The following BACH1 variants were observed in gnomAD, a reference collection of about 807,000 sequenced individuals.
BACH1 encodes the protein transcription regulator protein BACH1.
Under a neutral mutation model 52.9 loss-of-function variants are expected in BACH1, and 35 were observed. That is an observed-to-expected ratio of 0.66 (90% CI 0.51 to 0.88). The LOEUF (loss-of-function observed/expected upper bound fraction) is 0.88, where lower values mean the gene tolerates loss of function less well. Ranked by LOEUF, BACH1 falls within the 40% of genes least tolerant of loss-of-function variation. The pLI, the probability that BACH1 is intolerant of heterozygous loss-of-function variation, is 0.00. For synonymous variants in BACH1, 321 were observed against 319.6 expected (o/e 1.00, Z -0.05); for missense variants, 808 against 872.6 (o/e 0.93, Z 0.93).
chr21:29,350,603 C>T (rs956570558), downstream of BACH1, among the ~76,000 whole-genome samples: 4 of 152,130 alleles, frequency 2.6e-5, no homozygotes, highest in African/African-American at 4.8e-5. Flanking sequence ...GGTGTGGAGG[C>T]GTAGAGTGCT....
At chr21:29,359,140 A>G (rs1471905476) in intron 2 of BACH1, 2 of 152,062 alleles carry the variant, frequency 1.3e-5, no homozygotes, top group Non-Finnish European at 2.9e-5. Flanking sequence ...TATCATAGTA[A>G]ATAATTTTGA....
chr21:29,338,565 G>A (rs904550160), intron 4 of BACH1, among the ~76,000 whole-genome samples: 4 of 151,746 alleles, frequency 2.6e-5, no homozygotes, highest in African/African-American at 7.3e-5. Context: ...GTGAGGTTTC[G>A]CTGTGTTGCC....
chr21:29,351,554 T>G, intron 2 of BACH1: 1 of 517,434 alleles, frequency 1.9e-6, no homozygotes, highest in South Asian at 1.4e-5. Flanking sequence ...TGTTTTCATC[T>G]CATTTGAGCG....
In BACH1 at chr21:29,344,198, AAAC is replaced by A; in HGVS notation, c.*1367_*1369del. On this transcript the variant is annotated 3_prime_UTR_variant, in exon 5 of 5. Coordinates refer to ENST00000286800, the MANE Select transcript of BACH1 (RefSeq NM_001186.4). ...AAAATGCATATATTCACATTCACAG[AAAC>A]ATTGGCAGAACCCAGTTTTAATGGT... 6.6e-6 allele frequency: 1 copy of A among 152,518 alleles called. No individual in the cohort carries two copies. The highest frequency in any genetic ancestry group is 2.1e-4 in the South Asian group (1 of 4,832). 9.4% of individuals were successfully genotyped at this position (152,518 alleles called of 1,614,324 possible).
At chr21:29,358,812 A>AAGAAAGAAAGAAAGAGAG (rs370582692) in intron 2 of BACH1, among the ~76,000 whole-genome samples, 2 of 146,570 alleles carry the variant, frequency 1.4e-5, no homozygotes, top group South Asian at 4.4e-4. Context: ...GAAAGAAAGA[A>AAGAAAGAAAGAAAGAGAG]AGAAGAAAGA....
At chr21:29,316,658 CT>C (rs1319243469) in intron 1 of BACH1, among the ~76,000 whole-genome samples, 1 of 152,200 alleles carries the variant, frequency 6.6e-6, no homozygotes, top group African/African-American at 2.4e-5. Context: ...TTGCTGACCA[CT>C]TAGATGGTTT....
rs1287738331 is a variant in BACH1 at position 29,345,994 on chromosome 21, A to T, written c.*3161A>T. 1 of 152,626 alleles carries T rather than the reference A, an allele frequency of 6.6e-6. No homozygotes were observed. Among genetic ancestry groups the T allele is most frequent in the Non-Finnish European group, 1.5e-5 (1 of 68,018 alleles). The allele number at this position is 152,626 out of a possible 1,614,324, so 9.5% of individuals were successfully genotyped here. ...CACTAAACTTTTGTGTCCATATTTT[A>T]CTGAGACCATGTTTCATTAAAAGCA... On this transcript the variant is annotated 3_prime_UTR_variant, in exon 5 of 5. Transcript: ENST00000286800.
intron 2 of BACH1, chr21:29,361,450 G>A (rs1273030758): frequency 6.6e-6 from 1 of 150,950 alleles, no homozygotes; most frequent in East Asian, 1.9e-4. Context: ...ATTTTTTTTT[G>A]TCTAGCTTTA....
intron 2 of BACH1, among the ~76,000 whole-genome samples, chr21:29,351,428 T>G (rs567831741): frequency 6.6e-6 from 1 of 152,240 alleles, no homozygotes; most frequent in Non-Finnish European, 1.5e-5. Context: ...GAAATAAGCA[T>G]GCTTATGTTT....
At chr21:29,346,856 G>C (rs750316732), downstream of BACH1, among the ~76,000 whole-genome samples, 4 of 68,800 alleles carry the variant, frequency 5.8e-5, no homozygotes, top group Non-Finnish European at 9.5e-5. Context: ...AGTCTGAATC[G>C]GGAGAAGATG....
chr21:29,329,467 ATAT>A lies in BACH1; in HGVS notation c.1570-18_1570-16del. 6.8e-7 allele frequency: 1 copy of A among 1,475,706 alleles called. No individual in the cohort carries two copies. Among genetic ancestry groups the A allele is most frequent in the Non-Finnish European group, 9.1e-7 (1 of 1,101,392 alleles). The allele number at this position is 1,475,706 out of a possible 1,614,324, so 91.4% of individuals were successfully genotyped here. A position where few individuals can be genotyped will look rare whatever the true frequency, so the allele number is the denominator to read the frequency against. ...TTATAAAATACAGCAATAATTAGTAATATTTATTTCATATTCTAGGTAAAACTG... is the reference window on the plus strand; with the variant it reads ...TTATAAAATACAGCAATAATTAGTAATTATTTCATATTCTAGGTAAAACTG... On this transcript the variant is annotated splice_polypyrimidine_tract_variant and intron_variant, in intron 3 of 4. Coordinates refer to ENST00000286800, the MANE Select transcript of BACH1 (RefSeq NM_001186.4).
At chr21:29,355,986 G>T (rs1251130139) in intron 2 of BACH1, among the ~76,000 whole-genome samples, 2 of 152,248 alleles carry the variant, frequency 1.3e-5, no homozygotes, top group Non-Finnish European at 2.9e-5. Flanking sequence ...CTAGGCCTCA[G>T]CAGTTTTGGA....
intron 4 of BACH1, among the ~76,000 whole-genome samples, chr21:29,330,074 A>G (rs2088962776): frequency 6.6e-6 from 1 of 152,190 alleles, no homozygotes; most frequent in Non-Finnish European, 1.5e-5. Context: ...TCTTTCATCT[A>G]AGGAAAAAAA....
chr21:29,323,466 A>G (rs2088872733), intron 2 of BACH1, among the ~76,000 whole-genome samples: 1 of 152,218 alleles, frequency 6.6e-6, no homozygotes, highest in Admixed American at 6.5e-5. Flanking sequence ...TGTCAAGGGC[A>G]GGAGGCATCC....
chr21:29,349,688 C>G (rs1479520605), downstream of BACH1, among the ~76,000 whole-genome samples: 6 of 152,164 alleles, frequency 3.9e-5, no homozygotes, highest in Non-Finnish European at 1.5e-5. Flanking sequence ...TCCCCATTGA[C>G]TTTCCTTGCC....
At chr21:29,330,581 G>A (rs999919290) in intron 4 of BACH1, among the ~76,000 whole-genome samples, 1 of 152,070 alleles carries the variant, frequency 6.6e-6, no homozygotes, top group Non-Finnish European at 1.5e-5. Flanking sequence ...GTATGAAAGA[G>A]GACAACTCTG....
rs898816098 is a variant in BACH1 at position 29,345,792 on chromosome 21, G to A, written c.*2959G>A. The stretch of plus-strand genomic sequence containing the variant: ...GTTATAAAACATCTATTTTGAATCT[G>A]TAAATATTTTAAATGTTTTATTAAG... On this transcript the variant is annotated 3_prime_UTR_variant, in exon 5 of 5. Coordinates refer to ENST00000286800, the MANE Select transcript of BACH1 (RefSeq NM_001186.4). The A allele has an allele frequency of 1.3e-5, 2 of 152,440 alleles. No individual in the cohort carries two copies. The highest frequency in any genetic ancestry group is 4.8e-5 in the African/African-American group (2 of 41,384). 9.4% of individuals were successfully genotyped at this position (152,440 alleles called of 1,614,324 possible).
In BACH1 at chr21:29,327,029, G is replaced by A. The variant is rs762232200; in HGVS notation, c.1205G>A (p.Trp402Ter). The A allele has an allele frequency of 4.3e-6, 7 of 1,614,190 alleles. No homozygotes were observed. Among genetic ancestry groups the A allele is most frequent in the Non-Finnish European group, 5.9e-6 (7 of 1,180,034 alleles). Reference sequence around the variant, plus strand: ...GCAGAACACCTAGCAAAAGGCTTCTGGAGTGACATTTGCAGCACGGACACT... The same window carrying A: ...GCAGAACACCTAGCAAAAGGCTTCTAGAGTGACATTTGCAGCACGGACACT... ...EVAEHLAKGFWSDICSTDTPC... is the reference protein window; with the variant it reads ...EVAEHLAKGF Residue 402 changes from tryptophan to a stop codon, truncating the protein, a stop_gained, in exon 3 of 5, where the codon TGG becomes TAG. Transcript: ENST00000286800. LOFTEE classifies it high-confidence loss of function.
At chr21:29,319,802 A>G (rs573186486) in intron 1 of BACH1, among the ~76,000 whole-genome samples, 1 of 150,894 alleles carries the variant, frequency 6.6e-6, no homozygotes, top group East Asian at 1.9e-4. Flanking sequence ...TGCTCTGGGC[A>G]GGGTATAGTC....
Sources: allele counts gnomAD v4.1 joint callset (sites outside exome capture counted in the v4.1 genomes callset), GRCh38; gene constraint gnomAD v4.1.1; transcripts MANE v1.5; gene names NCBI Gene and HGNC (gene_info 2026-07-23, HGNC 2026-07-21).